The following AUTS2 variants were observed in gnomAD, a reference collection of about 807,000 sequenced individuals.
The protein encoded by AUTS2 is autism susceptibility gene 2 protein.
Under a neutral mutation model 112.4 loss-of-function variants are expected in AUTS2, and 17 were observed. The observed-to-expected ratio is 0.15, with a 90% CI of 0.10 to 0.23. The LOEUF (loss-of-function observed/expected upper bound fraction) is 0.23, where lower values mean the gene tolerates loss of function less well. Ranked by LOEUF, AUTS2 falls within the 10% of genes least tolerant of loss-of-function variation. The pLI, the probability that AUTS2 is intolerant of heterozygous loss-of-function variation, is 1.00. For synonymous variants in AUTS2, 751 were observed against 702.7 expected (o/e 1.07, Z -1.09); for missense variants, 1,510 against 1,701.6 (o/e 0.89, Z 1.98).
intron 2 of AUTS2, among the ~76,000 whole-genome samples, chr7:69,980,216 G>A (rs756034013): frequency 5.7e-4 from 87 of 152,268 alleles, no homozygotes; most frequent in Admixed American, 2.0e-3. Flanking sequence ...CTGAGCAGCT[G>A]GGATTACAGG....
At chr7:70,178,778 G>A (rs1218031452) in intron 4 of AUTS2, among the ~76,000 whole-genome samples, 1 of 152,052 alleles carries the variant, frequency 6.6e-6, no homozygotes, top group African/African-American at 2.4e-5. Flanking sequence ...CAACCTGGGC[G>A]ACAGAGGGAG....
chr7:69,940,743 G>A lies in AUTS2; in HGVS notation c.522+41245G>A, dbSNP rs1789981346. ...ACAAGAGTGCAGTCAGGCAGCTGATGCTGTAATCCAGGTGAAGGAGGATGG... is the reference window on the plus strand; with the variant it reads ...ACAAGAGTGCAGTCAGGCAGCTGATACTGTAATCCAGGTGAAGGAGGATGG... On this transcript the variant is annotated intron_variant, in intron 2 of 18. Transcript: ENST00000342771. Among the ~76,000 whole-genome samples the A allele has an allele frequency of 2.0e-5, 3 of 152,198 alleles. No homozygotes were observed. In the South Asian group the frequency reaches 6.2e-4, roughly 32 times the overall value.
intron 5 of AUTS2, among the ~76,000 whole-genome samples, chr7:70,560,181 C>A (rs1475799202): frequency 1.3e-5 from 2 of 152,220 alleles, no homozygotes; most frequent in Admixed American, 1.3e-4. Context: ...CTTGGAGAGA[C>A]TTCCCTGACT....
rs10280820 is a variant in AUTS2, at chr7:70,792,529, C to G, written c.*1533C>G. Reference sequence around the variant, plus strand: ...AAAAGTTAACTACAGACCATTGTTTCTAATAAGCAGAGAGATCTATTTTAG... The same window carrying G: ...AAAAGTTAACTACAGACCATTGTTTGTAATAAGCAGAGAGATCTATTTTAG... On this transcript the variant is annotated 3_prime_UTR_variant, in exon 19 of 19. Transcript: ENST00000342771. The G allele has an allele frequency of 6.5e-5, 9 of 138,980 alleles. No individual in the cohort carries two copies. 8.6% of individuals were successfully genotyped at this position (138,980 alleles called of 1,614,324 possible).
At chr7:69,722,966 T>G (rs1799042134) in intron 1 of AUTS2, among the ~76,000 whole-genome samples, 1 of 152,134 alleles carries the variant, frequency 6.6e-6, no homozygotes, top group Non-Finnish European at 1.5e-5. Context: ...TTTTTGCTGC[T>G]TGTTTTCTAC....
At chr7:70,189,705 TTC>T (rs1809784864) in intron 4 of AUTS2, among the ~76,000 whole-genome samples, 1 of 152,220 alleles carries the variant, frequency 6.6e-6, no homozygotes, top group Non-Finnish European at 1.5e-5. Context: ...GTTGTTCAGT[TTC>T]TCTCTCTTGA....
At chr7:70,339,029 AT>A (rs906851390) in intron 4 of AUTS2, among the ~76,000 whole-genome samples, 1 of 150,882 alleles carries the variant, frequency 6.6e-6, no homozygotes, top group African/African-American at 2.4e-5. Context: ...CGCCCAGCTA[AT>A]TTTTTTTGTA....
At chr7:70,099,882 A>G (rs1584720672) in intron 2 of AUTS2, among the ~76,000 whole-genome samples, 1 of 152,108 alleles carries the variant, frequency 6.6e-6, no homozygotes, top group East Asian at 1.9e-4. Context: ...TACAGTATTT[A>G]CTCTTCAGTT....
intron 6 of AUTS2, among the ~76,000 whole-genome samples, chr7:70,753,717 A>T (rs1267898547): frequency 1.3e-5 from 2 of 152,252 alleles, no homozygotes; most frequent in African/African-American, 4.8e-5. Context: ...TGGAGATACA[A>T]TCAAAACTTA....
intron 1 of AUTS2, among the ~76,000 whole-genome samples, chr7:69,750,931 A>C (rs1223841930): frequency 2.0e-5 from 3 of 152,064 alleles, no homozygotes; most frequent in African/African-American, 7.2e-5. Context: ...ATTAGTAGTA[A>C]GCCATCAGAG....
intron 2 of AUTS2, among the ~76,000 whole-genome samples, chr7:70,105,843 C>CT (rs2129570375): frequency 6.6e-6 from 1 of 152,210 alleles, no homozygotes; most frequent in South Asian, 2.1e-4. Context: ...TGCATGAGAT[C>CT]CCAATTTATG....
intron 2 of AUTS2, among the ~76,000 whole-genome samples, chr7:70,087,621 G>A (rs1050059105): frequency 1.1e-4 from 16 of 151,890 alleles, no homozygotes; most frequent in South Asian, 2.1e-4. Flanking sequence ...TACCCACCTC[G>A]GCCTCCCAAA....
At chr7:70,729,616 C>T (rs1039491352) in intron 6 of AUTS2, among the ~76,000 whole-genome samples, 2 of 152,128 alleles carry the variant, frequency 1.3e-5, no homozygotes, top group Admixed American at 6.5e-5. Flanking sequence ...GTCAGTCAGG[C>T]GTTGTTGAAA....
chr7:70,705,993 G>A (rs1044784790), intron 6 of AUTS2, among the ~76,000 whole-genome samples: 1 of 152,132 alleles, frequency 6.6e-6, no homozygotes, highest in African/African-American at 2.4e-5. Context: ...TGGGGTGAAG[G>A]GCCACCTTGT....
At chr7:70,786,094 G>A (rs888451141) in intron 17 of AUTS2, 56 bp downstream of exon 17, 13 of 1,453,872 alleles carry the variant, frequency 8.9e-6, no homozygotes, top group African/African-American at 7.0e-5. Flanking sequence ...CCTGTGATCC[G>A]CATATGGCTC....
Position 70,770,061 on chromosome 7 carries a change from T to G in AUTS2, c.1735-1488T>G, listed in dbSNP as rs547151243. Among the ~76,000 whole-genome samples the G allele has an allele frequency of 5.6e-4, 85 of 152,304 alleles. 4 individuals are homozygous for G. In the Middle Eastern group the frequency reaches 0.01, roughly 18 times the overall value. On this transcript the variant is annotated intron_variant, in intron 10 of 18. Transcript: ENST00000342771. ...CATGTATTTAATTACTCAGCTTTAT[T>G]CAGTGTACTGTGGGAGAGTTATTTC...
intron 4 of AUTS2, among the ~76,000 whole-genome samples, chr7:70,299,297 A>T (rs1053310077): frequency 1.3e-5 from 2 of 152,138 alleles, no homozygotes; most frequent in African/African-American, 4.8e-5. Flanking sequence ...CTTGTGCCTC[A>T]AGGCAAACTC....
intron 4 of AUTS2, among the ~76,000 whole-genome samples, chr7:70,413,619 C>T (rs1328997794): frequency 6.6e-6 from 1 of 152,094 alleles, no homozygotes; most frequent in South Asian, 2.1e-4. Context: ...TATCTTCATT[C>T]CCCTTTCTCA....
intron 1 of AUTS2, among the ~76,000 whole-genome samples, chr7:69,783,925 G>A (rs1307924427): frequency 6.6e-6 from 1 of 152,138 alleles, no homozygotes; most frequent in Admixed American, 6.5e-5. Context: ...AGTCAGTAAT[G>A]CATTTCTGCT....
Sources: gnomAD v4.1 joint callset for allele counts (sites outside exome capture counted in the v4.1 genomes callset) on GRCh38, gnomAD v4.1.1 for gene constraint, MANE v1.5 for transcripts, NCBI Gene and HGNC (gene_info 2026-07-23, HGNC 2026-07-21) for gene names.